The following EPB41L3 variants were observed in gnomAD, a reference collection of about 807,000 sequenced individuals.
EPB41L3 encodes the protein erythrocyte membrane protein band 4.1 like 3.
Under a neutral mutation model 127.1 loss-of-function variants are expected in EPB41L3, and 57 were observed. The ratio of observed to expected loss-of-function variants is 0.45; its 90% CI spans 0.36 to 0.56. The LOEUF is 0.56. Among genes scored for constraint, EPB41L3 ranks in the 20% least tolerant of loss-of-function variants. The pLI, the probability that EPB41L3 is intolerant of heterozygous loss-of-function variation, is 0.00. For missense variants in EPB41L3, 1,273 were observed against 1,372.2 expected (o/e 0.93, Z 1.14); for synonymous variants, 572 against 549.5 (o/e 1.04, Z -0.57).
Position 5,498,608 on chromosome 18 carries a change from A to AAAAAAAG in EPB41L3, c.-11-9415_-11-9414insCTTTTTT, listed in dbSNP as rs1448249391. On this transcript the variant is annotated intron_variant, in intron 1 of 22. Coordinates refer to ENST00000341928, the MANE Select transcript of EPB41L3 (RefSeq NM_012307.5). ...AGACTCCATCTCAAAAAAAAAAAAA[A>AAAAAAAG]AAAGAAAATGGACTTCAGAACTGAT... Among the ~76,000 whole-genome samples, 115 of 144,680 alleles carry AAAAAAAG rather than the reference A, an allele frequency of 7.9e-4. 3 individuals are homozygous for AAAAAAAG. The highest frequency in any genetic ancestry group is 3.5e-3 in the South Asian group (16 of 4,568). The allele number at this position is 144,680 out of a possible 152,430, so 94.9% of individuals were successfully genotyped here.
rs10694622 is a variant in EPB41L3 at position 5,447,448 on chromosome 18, C to CTTTT, written c.382-2208_382-2205dup. Among the ~76,000 whole-genome samples, 209 of 114,102 alleles carry CTTTT rather than the reference C, an allele frequency of 1.8e-3. 2 individuals are homozygous for CTTTT. Among genetic ancestry groups the CTTTT allele is most frequent in the African/African-American group, 4.8e-3 (149 of 30,798 alleles). 74.9% of individuals were successfully genotyped at this position (114,102 alleles called of 152,430 possible). A position where few individuals can be genotyped will look rare whatever the true frequency, so the allele number is the denominator to read the frequency against. On this transcript the variant is annotated intron_variant, in intron 3 of 22. Coordinates refer to ENST00000341928, the MANE Select transcript of EPB41L3 (RefSeq NM_012307.5). ...CTACCTAATTGCTTTAGCTAGACTA[C>CTTTT]TTTTTTTTTTTTTTTTTTTTTTTTA...
upstream of EPB41L3, among the ~76,000 whole-genome samples, chr18:5,544,838 C>G (rs1424356028): frequency 6.6e-6 from 1 of 152,070 alleles, no homozygotes; most frequent in Non-Finnish European, 1.5e-5. Flanking sequence ...GATAGATTTC[C>G]TGTTTTCCAT....
rs1191050704 is a variant in EPB41L3, at chr18:5,489,157, C to T, written c.27G>A (p.Ser9=). 3.1e-6 allele frequency: 5 copies of T among 1,597,064 alleles called. No homozygotes were observed. Among genetic ancestry groups the T allele is most frequent in the South Asian group, 1.1e-5 (1 of 89,386 alleles). Residue 9 remains serine (S), a synonymous_variant, in exon 2 of 23, where the codon TCG becomes TCA. Coordinates refer to ENST00000341928, the MANE Select transcript of EPB41L3 (RefSeq NM_012307.5). MTTESGSD[S]ESKPDQEAEP... is the part of the protein sequence containing the mutation. ...CGGCCTCCTGGTCCGGCTTGGATTCCGAGTCTGATCCAGATTCGGTCGTCA... is the reference window on the plus strand; with the variant it reads ...CGGCCTCCTGGTCCGGCTTGGATTCTGAGTCTGATCCAGATTCGGTCGTCA...
chr18:5,477,636 C>A (rs1223640276), intron 3 of EPB41L3, among the ~76,000 whole-genome samples: 1 of 152,196 alleles, frequency 6.6e-6, no homozygotes, highest in Non-Finnish European at 1.5e-5. Context: ...TTCTCAACTG[C>A]TAATTTGGTC....
intron 3 of EPB41L3, among the ~76,000 whole-genome samples, chr18:5,557,688 C>G (rs1232938093): frequency 6.6e-6 from 1 of 152,102 alleles, no homozygotes; most frequent in Non-Finnish European, 1.5e-5. Context: ...CCCAGGCACT[C>G]AAAACATTTT....
upstream of EPB41L3, chr18:5,630,527 C>T (rs370661448): frequency 1.9e-5 from 10 of 517,910 alleles, no homozygotes; most frequent in Admixed American, 3.9e-5. Flanking sequence ...CCTTCGAATT[C>T]TCCGGGGTCC....
chr18:5,580,244 T>C (rs967335399), intron 3 of EPB41L3, among the ~76,000 whole-genome samples: 4 of 152,100 alleles, frequency 2.6e-5, no homozygotes, highest in Non-Finnish European at 5.9e-5. Context: ...CACATATGTA[T>C]AGACATGTGT....
chr18:5,484,792 A>C (rs1323448563), intron 2 of EPB41L3, among the ~76,000 whole-genome samples: 1 of 152,044 alleles, frequency 6.6e-6, no homozygotes, highest in Non-Finnish European at 1.5e-5. Flanking sequence ...ACTATGAAGA[A>C]ACAGAAAACC....
intron 3 of EPB41L3, among the ~76,000 whole-genome samples, chr18:5,574,158 T>C (rs2094313267): frequency 1.3e-5 from 2 of 152,132 alleles, no homozygotes; most frequent in African/African-American, 4.8e-5. Flanking sequence ...CTCTATTCTA[T>C]TTCTCTAATC....
chr18:5,619,383 C>A (rs1048284123), intron 1 of EPB41L3, among the ~76,000 whole-genome samples: 1 of 152,018 alleles, frequency 6.6e-6, no homozygotes, highest in Non-Finnish European at 1.5e-5. Context: ...ATTATTAATC[C>A]TTTTCCTTAG....
chr18:5,419,741 C>A lies in EPB41L3; in HGVS notation c.1476G>T (p.Thr492=), dbSNP rs564908934. 29 of 1,614,160 alleles carry A rather than the reference C, an allele frequency of 1.8e-5. 1 individual carries two copies. The Admixed American group carries it at 2.7e-4, about 15-fold the overall frequency. The change falls in exon 12 of 23, where the codon ACG becomes ACT. Residue 492 remains threonine (T), a synonymous_variant. Transcript: ENST00000341928. ...EDKRRKGEEV[T]PISAIRHEGK... ...CCTCGTGCCGGATGGCCGAGATGGGCGTGACTTCTTCCCCCTTCCTCCGTT... is the reference window on the plus strand; with the variant it reads ...CCTCGTGCCGGATGGCCGAGATGGGAGTGACTTCTTCCCCCTTCCTCCGTT...
At chr18:5,594,919 G>A (rs886246947) in intron 3 of EPB41L3, among the ~76,000 whole-genome samples, 31 of 152,150 alleles carry the variant, frequency 2.0e-4, no homozygotes, top group Admixed American at 1.8e-3. Flanking sequence ...TATCTTTCCC[G>A]CAAGAATTAA....
chr18:5,563,694 T>C (rs949061327), intron 3 of EPB41L3, among the ~76,000 whole-genome samples: 1 of 152,134 alleles, frequency 6.6e-6, no homozygotes, highest in Admixed American at 6.5e-5. Flanking sequence ...CTGCTGGTAA[T>C]GGCACCCAAC....
At chr18:5,508,308 A>G (rs1438594370) in intron 1 of EPB41L3, 1 of 152,318 alleles carries the variant, frequency 6.6e-6, no homozygotes, top group East Asian at 1.9e-4. Flanking sequence ...GGAATGATTT[A>G]CTATTAGTAT....
chr18:5,414,685 G>A (rs1001533457), intron 13 of EPB41L3, among the ~76,000 whole-genome samples: 1 of 152,140 alleles, frequency 6.6e-6, no homozygotes, highest in Non-Finnish European at 1.5e-5. Flanking sequence ...CTGGGGAGAG[G>A]AGTGGGGAGG....
chr18:5,478,219 A>G (rs773838438), intron 3 of EPB41L3, 22 bp downstream of exon 3: 1 of 1,607,402 alleles, frequency 6.2e-7, no homozygotes, highest in Admixed American at 1.7e-5. Context: ...TAGGACAGAA[A>G]AGTCTTAAGA....
intron 1 of EPB41L3, among the ~76,000 whole-genome samples, chr18:5,628,139 G>C (rs2094943275): frequency 6.6e-6 from 1 of 152,168 alleles, no homozygotes; most frequent in African/African-American, 2.4e-5. Context: ...AGCCTGGGAG[G>C]GGCAAGTCTT....
upstream of EPB41L3, among the ~76,000 whole-genome samples, chr18:5,544,663 G>T (rs562210368): frequency 3.1e-4 from 47 of 152,238 alleles, no homozygotes; most frequent in Non-Finnish European, 1.0e-4. Flanking sequence ...AGATCTAACC[G>T]ACTAACCAAG....
chr18:5,596,349 A>C (rs2094537058), intron 3 of EPB41L3, among the ~76,000 whole-genome samples: 1 of 152,226 alleles, frequency 6.6e-6, no homozygotes, highest in African/African-American at 2.4e-5. Context: ...TCAGTGGACC[A>C]GGCTTTGAGA....
Sources: allele counts gnomAD v4.1 joint callset (sites outside exome capture counted in the v4.1 genomes callset), GRCh38; gene constraint gnomAD v4.1.1; transcripts MANE v1.5; gene names NCBI Gene and HGNC (gene_info 2026-07-23, HGNC 2026-07-21).